The following CNTNAP5 variants were observed in gnomAD, a reference collection of about 807,000 sequenced individuals.
The protein encoded by CNTNAP5 is contactin associated protein family member 5.
A neutral mutation model predicts 150.2 loss-of-function variants in CNTNAP5; 72 were observed. That is an observed-to-expected ratio of 0.48 (90% confidence interval 0.40 to 0.58). CNTNAP5 has a LOEUF of 0.58. CNTNAP5 is among the 20% of genes least tolerant of loss of function. CNTNAP5 has a pLI of 0.00. For missense variants in CNTNAP5, 1,636 were observed against 1,626.2 expected, an observed-to-expected ratio of 1.01 and a Z score of -0.10; for synonymous variants, 672 against 619.8, an observed-to-expected ratio of 1.08 and a Z score of -1.25.
Position 124,435,679 on chromosome 2 carries a change from T to C in CNTNAP5, c.733+992T>C, listed in dbSNP as rs1692514924. Among the ~76,000 whole-genome samples the C allele has an allele frequency of 2.0e-5, 3 of 152,314 alleles. No individual in the cohort carries two copies. In the South Asian group the frequency reaches 6.2e-4, roughly 32 times the overall value. The stretch of plus-strand genomic sequence containing the variant: ...ATGTAATTTGTAACCCTAAGTTGCA[T>C]GGAAGACTGACAAAAATCCACAGTT... On this transcript the variant is annotated intron_variant, in intron 5 of 23. Transcript: ENST00000682447.
chr2:124,596,108 T>C (rs1266019159), intron 11 of CNTNAP5, among the ~76,000 whole-genome samples: 1 of 135,776 alleles, frequency 7.4e-6, no homozygotes, highest in African/African-American at 2.8e-5. Flanking sequence ...TTCATTGATT[T>C]TTTGAAGAGT....
intron 13 of CNTNAP5, among the ~76,000 whole-genome samples, chr2:124,688,216 C>T (rs752923692): frequency 6.6e-6 from 1 of 152,010 alleles, no homozygotes; most frequent in African/African-American, 2.4e-5. Context: ...TGTTGAAATA[C>T]AGCTATGATA....
intron 13 of CNTNAP5, among the ~76,000 whole-genome samples, chr2:124,724,549 A>G (rs1680116542): frequency 1.3e-5 from 2 of 152,184 alleles, no homozygotes. Context: ...AAATCACCAT[A>G]ATAGTAATGT....
chr2:124,485,702 G>A (rs751448486), intron 7 of CNTNAP5, among the ~76,000 whole-genome samples: 8 of 151,408 alleles, frequency 5.3e-5, no homozygotes, highest in Non-Finnish European at 1.0e-4. Context: ...GAAAACTTAG[G>A]TCCCAGCTTC....
At chr2:124,225,745 C>A (rs1037926850) in intron 2 of CNTNAP5, among the ~76,000 whole-genome samples, 1 of 152,144 alleles carries the variant, frequency 6.6e-6, no homozygotes, top group Non-Finnish European at 1.5e-5. Context: ...ATTAGAAGTG[C>A]AAGTTTGTAC....
chr2:124,450,609 T>G (rs1692945717), intron 6 of CNTNAP5, among the ~76,000 whole-genome samples: 1 of 150,298 alleles, frequency 6.7e-6, no homozygotes, highest in African/African-American at 2.5e-5. Flanking sequence ...TTACTTCTCA[T>G]TAAAATGTCT....
At chr2:124,043,747 T>G (rs533446655) in intron 1 of CNTNAP5, among the ~76,000 whole-genome samples, 68 of 152,168 alleles carry the variant, frequency 4.5e-4, no homozygotes, top group Non-Finnish European at 9.1e-4. Flanking sequence ...AACATAAACC[T>G]CAAAGTCTAA....
At chr2:124,029,793 C>T (rs1198437634) in intron 1 of CNTNAP5, among the ~76,000 whole-genome samples, 3 of 152,034 alleles carry the variant, frequency 2.0e-5, no homozygotes, top group African/African-American at 7.2e-5. Context: ...GCCCCTGAAA[C>T]CTTCAGTTGG....
intron 7 of CNTNAP5, among the ~76,000 whole-genome samples, chr2:124,497,680 C>T (rs1029892575): frequency 9.2e-5 from 14 of 152,188 alleles, no homozygotes; most frequent in Non-Finnish European, 1.3e-4. Context: ...TTCTATGCCA[C>T]GTGCTGAGAC....
At chr2:124,863,811 T>G (rs891562629) in intron 19 of CNTNAP5, among the ~76,000 whole-genome samples, 1 of 152,102 alleles carries the variant, frequency 6.6e-6, no homozygotes, top group Non-Finnish European at 1.5e-5. Flanking sequence ...GAGTTTTTCT[T>G]TGGGATGAGG....
At chr2:124,886,470 A>AT (rs1043679531) in intron 21 of CNTNAP5, among the ~76,000 whole-genome samples, 2 of 151,964 alleles carry the variant, frequency 1.3e-5, no homozygotes, top group African/African-American at 4.8e-5. Context: ...ACATTATATG[A>AT]TTTTGTGATG....
chr2:124,764,943 T>G (rs1414004713), intron 16 of CNTNAP5, among the ~76,000 whole-genome samples: 1 of 152,144 alleles, frequency 6.6e-6, no homozygotes, highest in African/African-American at 2.4e-5. Flanking sequence ...TCTCTACTTC[T>G]CGAAATTTGA....
At chr2:124,136,054 C>A (rs1019382467) in intron 1 of CNTNAP5, among the ~76,000 whole-genome samples, 1 of 152,174 alleles carries the variant, frequency 6.6e-6, no homozygotes. Flanking sequence ...AGCTAATCTA[C>A]GGCATGTGGT....
At chr2:124,870,712 A>G (rs1677727914) in intron 21 of CNTNAP5, among the ~76,000 whole-genome samples, 1 of 152,136 alleles carries the variant, frequency 6.6e-6, no homozygotes, top group South Asian at 2.1e-4. Context: ...TGCTTACAAG[A>G]TTGTTGTAGT....
intron 14 of CNTNAP5, among the ~76,000 whole-genome samples, chr2:124,760,004 A>C (rs1680925309): frequency 7.0e-6 from 1 of 143,104 alleles, no homozygotes; most frequent in Admixed American, 7.3e-5. Flanking sequence ...AAAGAGAAAT[A>C]ATTGCTCCTT....
chr2:124,848,715 T>C (rs1277528967), intron 19 of CNTNAP5, among the ~76,000 whole-genome samples: 1 of 152,218 alleles, frequency 6.6e-6, no homozygotes, highest in Non-Finnish European at 1.5e-5. Flanking sequence ...AGGTGATATC[T>C]TATTGTGGTC....
At chr2:124,712,926 A>G (rs1041709198) in intron 13 of CNTNAP5, among the ~76,000 whole-genome samples, 2 of 151,980 alleles carry the variant, frequency 1.3e-5, no homozygotes, top group African/African-American at 2.4e-5. Flanking sequence ...GGCCTCTTTT[A>G]TAAAGGGCAC....
chr2:124,363,338 G>A (rs1175405477), intron 3 of CNTNAP5, among the ~76,000 whole-genome samples: 1 of 151,958 alleles, frequency 6.6e-6, no homozygotes, highest in African/African-American at 2.4e-5. Context: ...CCAAATGTGA[G>A]TCTCCAAACA....
At chr2:124,334,418 C>G (rs1689421809) in intron 3 of CNTNAP5, among the ~76,000 whole-genome samples, 1 of 151,936 alleles carries the variant, frequency 6.6e-6, no homozygotes, top group Non-Finnish European at 1.5e-5. Flanking sequence ...TTACACTATC[C>G]CTGGCAAAAA....
Sources: allele counts gnomAD v4.1 joint callset (sites outside exome capture counted in the v4.1 genomes callset), GRCh38; gene constraint gnomAD v4.1.1; transcripts MANE v1.5; gene names NCBI Gene and HGNC (gene_info 2026-07-23, HGNC 2026-07-21).